The following COX10 variants were observed in gnomAD, a reference collection of about 807,000 sequenced individuals.
The protein encoded by COX10 is cytochrome c oxidase assembly factor heme A:farnesyltransferase COX10.
COX10 carries 27 observed loss-of-function variants against 37.3 expected under a neutral mutation model. The observed-to-expected ratio is 0.72, with a 90% CI of 0.53 to 1.00. The LOEUF (loss-of-function observed/expected upper bound fraction) is 1.00, where lower values mean the gene tolerates loss of function less well. Ranked by LOEUF, COX10 falls within the 50% of genes least tolerant of loss-of-function variation. COX10 has a pLI of 0.00. For synonymous variants in COX10, 222 were observed against 229.1 expected (o/e 0.97, Z 0.28); for missense variants, 475 against 563.2 (o/e 0.84, Z 1.59).
intron 5 of COX10, 96 bp from the exon 6 acceptor site, chr17:14,191,893 T>C (rs1412315263): frequency 3.8e-6 from 5 of 1,332,998 alleles, no homozygotes; most frequent in Non-Finnish European, 5.4e-6. Context: ...CTCTACTGGA[T>C]AGGTGGATTA....
chr17:14,088,117 A>G (rs1915452623), intron 3 of COX10, among the ~76,000 whole-genome samples: 1 of 152,206 alleles, frequency 6.6e-6, no homozygotes, highest in Non-Finnish European at 1.5e-5. Context: ...CCAGGAAGGA[A>G]TAATGAGTAT....
chr17:14,106,876 A>G (rs1042224213), intron 4 of COX10, among the ~76,000 whole-genome samples: 11 of 152,160 alleles, frequency 7.2e-5, no homozygotes, highest in African/African-American at 2.7e-4. Context: ...GCATTGACTT[A>G]TAAGGTGCAA....
Position 14,161,328 on chromosome 17 carries a change from AG to A in COX10, c.695+1383del, listed in dbSNP as rs1905166490. 2.0e-5 allele frequency among the ~76,000 whole-genome samples: 3 copies of A among 152,336 alleles called. No homozygotes were observed. The South Asian group carries it at 6.2e-4, about 32-fold the overall frequency. ...AAAGTCTAGAATCCCTAATGTCCAA[AG>A]GCCCGAAAATTCCAATCACAGGATA... On this transcript the variant is annotated intron_variant, in intron 5 of 6. Transcript: ENST00000261643.
At chr17:14,103,809 G>A (rs1915836296) in intron 4 of COX10, among the ~76,000 whole-genome samples, 1 of 152,138 alleles carries the variant, frequency 6.6e-6, no homozygotes, top group Non-Finnish European at 1.5e-5. Flanking sequence ...ATTTTAAAAG[G>A]ATGTGTTTAG....
chr17:14,075,454 G>A (rs1056403097), intron 2 of COX10, among the ~76,000 whole-genome samples: 3 of 152,142 alleles, frequency 2.0e-5, no homozygotes, highest in Admixed American at 1.3e-4. Flanking sequence ...GTTGTTGGCT[G>A]TTGATATATC....
intron 6 of COX10, among the ~76,000 whole-genome samples, chr17:14,205,259 G>T (rs1346875509): frequency 6.6e-6 from 1 of 151,184 alleles, no homozygotes; most frequent in East Asian, 2.0e-4. Flanking sequence ...CCAGCCCCAA[G>T]GCCTTTATGA....
At chr17:14,137,950 GTTTT>G (rs55924353) in intron 4 of COX10, among the ~76,000 whole-genome samples, 70 of 134,392 alleles carry the variant, frequency 5.2e-4, no homozygotes, top group East Asian at 1.1e-3. Flanking sequence ...ACACAATTCA[GTTTT>G]TTTTTTTTTT....
intron 3 of COX10, among the ~76,000 whole-genome samples, chr17:14,085,422 G>A (rs955102285): frequency 6.6e-6 from 1 of 151,986 alleles, no homozygotes; most frequent in African/African-American, 2.4e-5. Flanking sequence ...GTATTCCATA[G>A]TATAGATATA....
chr17:14,140,814 A>C (rs910117098), intron 4 of COX10, among the ~76,000 whole-genome samples: 5 of 151,824 alleles, frequency 3.3e-5, no homozygotes, highest in Non-Finnish European at 7.4e-5. Flanking sequence ...GTTATGTCTG[A>C]TTTTTTTTGT....
intron 4 of COX10, among the ~76,000 whole-genome samples, chr17:14,120,724 T>C (rs1916211876): frequency 6.6e-6 from 1 of 152,058 alleles, no homozygotes; most frequent in Admixed American, 6.6e-5. Context: ...GAAATCAAAT[T>C]GGAGAGAGAA....
Position 14,172,265 on chromosome 17 carries a change from G to A in COX10, c.695+12318G>A, listed in dbSNP as rs71366133. Reference sequence around the variant, plus strand: ...ATTAATGTTGATTTCTTTCCTTTTGGGTAGATACTCAGTAGTGGGATTACT... The same window carrying A: ...ATTAATGTTGATTTCTTTCCTTTTGAGTAGATACTCAGTAGTGGGATTACT... On this transcript the variant is annotated intron_variant, in intron 5 of 6. Transcript: ENST00000261643. 6.3e-3 allele frequency among the ~76,000 whole-genome samples: 941 copies of A among 148,994 alleles called. 3 individuals are homozygous for A. Among genetic ancestry groups the A allele is most frequent in the Non-Finnish European group, 9.6e-3 (631 of 65,964 alleles).
intron 3 of COX10, among the ~76,000 whole-genome samples, chr17:14,101,765 A>T (rs1915787987): frequency 6.6e-6 from 1 of 152,198 alleles, no homozygotes; most frequent in Admixed American, 6.5e-5. Flanking sequence ...GTCAAGAGCA[A>T]GAATAAGACC....
intron 3 of COX10, 121 bp from the exon 4 acceptor site, chr17:14,101,997 C>G: frequency 3.2e-6 from 4 of 1,241,238 alleles, no homozygotes; most frequent in Non-Finnish European, 4.7e-6. Flanking sequence ...TCAGCCTGTA[C>G]TTTGTGTTAT....
intron 3 of COX10, among the ~76,000 whole-genome samples, chr17:14,083,939 A>G (rs982748070): frequency 6.6e-6 from 1 of 152,198 alleles, no homozygotes; most frequent in African/African-American, 2.4e-5. Context: ...GAAAAGCTGC[A>G]ACACGTTTTT....
intron 5 of COX10, among the ~76,000 whole-genome samples, chr17:14,188,488 A>C (rs7221582): frequency 0.97 from 146,130 of 151,080 alleles, 70,822 homozygotes; most frequent in East Asian, 1. Context: ...AAAAAAAAAA[A>C]CTATTTCTCA....
At chr17:14,107,045 C>T (rs1915907727) in intron 4 of COX10, among the ~76,000 whole-genome samples, 2 of 152,130 alleles carry the variant, frequency 1.3e-5, no homozygotes, top group Non-Finnish European at 2.9e-5. Flanking sequence ...GTTGTGTGGG[C>T]TGTCCTGTGT....
intron 4 of COX10, among the ~76,000 whole-genome samples, chr17:14,114,672 G>T (rs1010889672): frequency 1.3e-5 from 2 of 152,036 alleles, no homozygotes; most frequent in Non-Finnish European, 2.9e-5. Context: ...AAATAATTTG[G>T]TGAAAGACCT....
intron 4 of COX10, among the ~76,000 whole-genome samples, chr17:14,131,073 T>C (rs1463706267): frequency 6.6e-6 from 1 of 152,148 alleles, no homozygotes; most frequent in African/African-American, 2.4e-5. Flanking sequence ...AAGATTGAAT[T>C]TTTATTGTGA....
chr17:14,156,387 G>T (rs1055547480), intron 4 of COX10, among the ~76,000 whole-genome samples: 1 of 151,904 alleles, frequency 6.6e-6, no homozygotes, highest in Non-Finnish European at 1.5e-5. Context: ...CCGCCACCGC[G>T]CCCGGCTAAT....
Sources: allele counts gnomAD v4.1 joint callset (sites outside exome capture counted in the v4.1 genomes callset), GRCh38; gene constraint gnomAD v4.1.1; transcripts MANE v1.5; gene names NCBI Gene and HGNC (gene_info 2026-07-23, HGNC 2026-07-21).